PPP6R2: variants seen among roughly 807,000 people sequenced by gnomAD.
PPP6R2 encodes serine/threonine-protein phosphatase 6 regulatory subunit 2.
A neutral mutation model predicts 100.2 loss-of-function variants in PPP6R2; 62 were observed. That is an observed-to-expected ratio of 0.62 (90% CI 0.50 to 0.76). PPP6R2 has a LOEUF of 0.76. PPP6R2 is among the 30% of genes least tolerant of loss of function. PPP6R2 has a pLI of 0.00. For synonymous variants in PPP6R2, 525 were observed against 514.7 expected, an observed-to-expected ratio of 1.02 and a Z score of -0.27; for missense variants, 1,142 against 1,276.3, an observed-to-expected ratio of 0.89 and a Z score of 1.60.
chr22:50,442,051 A>G (rs1603424812), intron 22 of PPP6R2, among the ~76,000 whole-genome samples: 1 of 152,120 alleles, frequency 6.6e-6, no homozygotes, highest in East Asian at 1.9e-4. Context: ...TGCCTTTCAC[A>G]TCTGGTGGTG....
At chr22:50,402,899 C>T (rs977547091) in intron 3 of PPP6R2, among the ~76,000 whole-genome samples, 10 of 152,224 alleles carry the variant, frequency 6.6e-5, no homozygotes, top group Non-Finnish European at 1.0e-4. Flanking sequence ...TGTGTGCACA[C>T]GTTTGTCCGT....
chr22:50,392,341 A>G (rs897577889), intron 2 of PPP6R2, among the ~76,000 whole-genome samples: 7 of 40,110 alleles, frequency 1.7e-4, no homozygotes, highest in Admixed American at 4.8e-4. Context: ...GTCTCTACAG[A>G]AAAAAAAAAA....
chr22:50,435,622 G>T (rs969819599), intron 13 of PPP6R2, among the ~76,000 whole-genome samples: 2 of 152,186 alleles, frequency 1.3e-5, no homozygotes, highest in African/African-American at 4.8e-5. Flanking sequence ...CCCTATACCC[G>T]TGTAAGGTGA....
In PPP6R2 at chr22:50,423,877, G is replaced by A. The variant is rs12158901; in HGVS notation, c.1125+263G>A. Among the ~76,000 whole-genome samples the A allele has an allele frequency of 0.038, 5,822 of 152,280 alleles. 221 individuals are homozygous for A. The highest frequency in any genetic ancestry group is 0.095 in the African/African-American group (3,956 of 41,532). ...AAAGCAGAAGGCGGATTTCTAACCCGGTTTGATGGAATAGAGTGACACGTC... is the reference window on the plus strand; with the variant it reads ...AAAGCAGAAGGCGGATTTCTAACCCAGTTTGATGGAATAGAGTGACACGTC... On this transcript the variant is annotated intron_variant, in intron 10 of 23. Transcript: ENST00000612753. The surrounding 1 kb of genome is among the most constrained non-coding windows in gnomAD (Gnocchi z 4.8).
chr22:50,381,414 ACGGGCCCCACC>A (rs2052985328), intron 2 of PPP6R2, among the ~76,000 whole-genome samples: 4 of 84,386 alleles, frequency 4.7e-5, no homozygotes, highest in African/African-American at 1.7e-4. Flanking sequence ...TCAGCACCAC[ACGGGCCCCACC>A]TCAGCATCAC....
chr22:50,342,801 C>A (rs1430742525), upstream of PPP6R2, among the ~76,000 whole-genome samples: 1 of 152,168 alleles, frequency 6.6e-6, no homozygotes, highest in African/African-American at 2.4e-5. Context: ...AGAAAACTGT[C>A]TGGAGGCGGC....
chr22:50,432,652 C>T (rs547387667), intron 12 of PPP6R2, among the ~76,000 whole-genome samples: 3 of 152,346 alleles, frequency 2.0e-5, no homozygotes, highest in East Asian at 3.9e-4. Context: ...CCCAGGAACT[C>T]GGGCCCTCCG....
At chr22:50,355,428 AGG>A (rs1349029603) in intron 1 of PPP6R2, among the ~76,000 whole-genome samples, 2 of 150,166 alleles carry the variant, frequency 1.3e-5, no homozygotes, top group Non-Finnish European at 3.0e-5. Flanking sequence ...TTAGTAGAGA[AGG>A]GGTTTCACTG....
the PPP6R2 span, among the ~76,000 whole-genome samples, chr22:50,336,725 G>A: frequency 6.6e-6 from 1 of 151,880 alleles, no homozygotes; most frequent in African/African-American, 2.4e-5. Flanking sequence ...AATTAATTTA[G>A]AGACAGGGTC....
the PPP6R2 span, among the ~76,000 whole-genome samples, chr22:50,333,869 G>A: frequency 6.6e-6 from 1 of 152,296 alleles, no homozygotes; most frequent in African/African-American, 2.4e-5. Flanking sequence ...AAGGCAAGAG[G>A]GCAGGGTAAG....
intron 17 of PPP6R2, 77 bp from the exon 18 acceptor site, chr22:50,438,097 C>G (rs11091018): frequency 0.17 from 263,362 of 1,547,388 alleles, 23,681 homozygotes; most frequent in Middle Eastern, 0.25. Context: ...CTAAGCCCCT[C>G]TGGGAGCTCT....
intron 1 of PPP6R2, among the ~76,000 whole-genome samples, chr22:50,352,579 G>T (rs1240967812): frequency 6.6e-6 from 1 of 151,874 alleles, no homozygotes; most frequent in Non-Finnish European, 1.5e-5. Flanking sequence ...ACAAAAATTT[G>T]CTGGGTATGG....
At chr22:50,338,751 ATGTGTGGTAGGTAGTG>A (rs1270228442), upstream of PPP6R2, among the ~76,000 whole-genome samples, 1 of 58,512 alleles carries the variant, frequency 1.7e-5, no homozygotes, top group East Asian at 5.9e-4. Flanking sequence ...GTTATGTGGT[ATGTGTGGTAGGTAGTG>A]TGTGTGGTAT....
chr22:50,393,691 T>A, intron 2 of PPP6R2: 5 of 978,492 alleles, frequency 5.1e-6, no homozygotes, highest in Non-Finnish European at 6.1e-6. Context: ...ATGGGAATGG[T>A]TACTGGGGAG....
At chr22:50,397,553 C>T (rs200713024) in intron 3 of PPP6R2, among the ~76,000 whole-genome samples, 1 of 135,898 alleles carries the variant, frequency 7.4e-6, no homozygotes, top group African/African-American at 3.3e-5. Flanking sequence ...GGGCAGGGGG[C>T]CTGTCCTCAC....
At chr22:50,335,865 A>G in the PPP6R2 span, among the ~76,000 whole-genome samples, 3 of 142,182 alleles carry the variant, frequency 2.1e-5, 1 homozygote, top group African/African-American at 8.3e-5. Context: ...TTTAGTAGAG[A>G]TGAGGTTTCA....
chr22:50,383,508 G>A (rs557696442), intron 2 of PPP6R2, among the ~76,000 whole-genome samples: 35 of 152,260 alleles, frequency 2.3e-4, no homozygotes, highest in African/African-American at 8.4e-4. Context: ...GTAGGCGGTG[G>A]CCAGGAAGGA....
At chr22:50,399,287 T>C (rs778722917) in intron 3 of PPP6R2, among the ~76,000 whole-genome samples, 9 of 152,208 alleles carry the variant, frequency 5.9e-5, no homozygotes, top group Admixed American at 1.3e-4. Context: ...AGAGAGTAAA[T>C]ACTTTAGGCT....
intron 13 of PPP6R2, among the ~76,000 whole-genome samples, chr22:50,435,386 G>A (rs1049683426): frequency 6.6e-6 from 1 of 152,198 alleles, no homozygotes. Context: ...AGCCGTTAGC[G>A]CCACCGGGCT....
Sources: gnomAD v4.1 joint callset for allele counts (sites outside exome capture counted in the v4.1 genomes callset) on GRCh38, gnomAD v4.1.1 for gene constraint, Gnocchi (gnomAD v3.1) non-coding constraint, MANE v1.5 for transcripts, NCBI Gene and HGNC (gene_info 2026-07-23, HGNC 2026-07-21) for gene names.